Variants in NAV2 observed in about 807,000 individuals in gnomAD.
NAV2 encodes helicase, APC down-regulated 1.
In NAV2, 54 loss-of-function variants were observed where a neutral mutation model predicts 223.2. The ratio of observed to expected loss-of-function variants is 0.24; its 90% CI spans 0.19 to 0.30. NAV2 has a LOEUF of 0.30. NAV2 is among the 10% of genes least tolerant of loss of function. NAV2 has a pLI of 1.00. For synonymous variants in NAV2, 1,279 were observed against 1,239.3 expected (o/e 1.03, Z -0.67); for missense variants, 2,806 against 3,147.5 (o/e 0.89, Z 2.60).
chr11:19,371,968 AG>A (rs1482870924), intron 1 of NAV2, among the ~76,000 whole-genome samples: 2 of 151,878 alleles, frequency 1.3e-5, no homozygotes, highest in African/African-American at 4.8e-5. Context: ...TAGTAGAGAC[AG>A]GGTTTTACCA....
intron 20 of NAV2, among the ~76,000 whole-genome samples, chr11:20,063,429 G>A (rs1432600009): frequency 1.3e-5 from 2 of 152,158 alleles, no homozygotes; most frequent in African/African-American, 4.8e-5. Flanking sequence ...CTGGAGTAAA[G>A]TGGCACGACC....
chr11:19,386,408 C>A (rs185290223), intron 1 of NAV2, among the ~76,000 whole-genome samples: 1 of 152,018 alleles, frequency 6.6e-6, no homozygotes, highest in South Asian at 2.1e-4. Flanking sequence ...ATGATACTAC[C>A]CATCTCATAT....
chr11:19,374,329 TTTTTA>T (rs1198073524), intron 1 of NAV2, among the ~76,000 whole-genome samples: 144 of 147,262 alleles, frequency 9.8e-4, no homozygotes, highest in African/African-American at 2.0e-3. Flanking sequence ...TTTTTTTTTT[TTTTTA>T]AAATCAGCTA....
chr11:19,471,663 T>C (rs2041969118), intron 1 of NAV2, among the ~76,000 whole-genome samples: 1 of 152,226 alleles, frequency 6.6e-6, no homozygotes, highest in Non-Finnish European at 1.5e-5. Context: ...CTCTCAATAC[T>C]GATTACATCG....
intron 1 of NAV2, among the ~76,000 whole-genome samples, chr11:19,718,230 G>A (rs1477400997): frequency 6.6e-6 from 1 of 152,126 alleles, no homozygotes; most frequent in East Asian, 1.9e-4. Flanking sequence ...TTAAAGACAC[G>A]CTCTGTGTTT....
At chr11:19,436,074 A>G (rs1477990980) in intron 1 of NAV2, among the ~76,000 whole-genome samples, 1 of 151,948 alleles carries the variant, frequency 6.6e-6, no homozygotes, top group South Asian at 2.1e-4. Context: ...AGTGTGATGC[A>G]GTCCCATTTG....
chr11:19,829,353 T>G (rs1378355925), intron 1 of NAV2, among the ~76,000 whole-genome samples: 1 of 152,176 alleles, frequency 6.6e-6, no homozygotes, highest in African/African-American at 2.4e-5. Context: ...TGTGCCATAC[T>G]TTGTTATTCC....
intron 1 of NAV2, among the ~76,000 whole-genome samples, chr11:19,434,003 G>C (rs1851124094): frequency 6.6e-6 from 1 of 152,150 alleles, no homozygotes; most frequent in Non-Finnish European, 1.5e-5. Context: ...TATCATGCAG[G>C]AAGTGTAGGT....
At chr11:19,650,888 G>T (rs561387732) in intron 1 of NAV2, among the ~76,000 whole-genome samples, 1 of 152,108 alleles carries the variant, frequency 6.6e-6, no homozygotes, top group African/African-American at 2.4e-5. Flanking sequence ...CTTTAATGAC[G>T]GAAAACAGAA....
chr11:19,529,003 A>G (rs1187579629), intron 1 of NAV2, among the ~76,000 whole-genome samples: 1 of 152,106 alleles, frequency 6.6e-6, no homozygotes, highest in Non-Finnish European at 1.5e-5. Context: ...AAAGAAACCT[A>G]AAAAGTGAAC....
chr11:19,735,519 C>T (rs2152433338), intron 1 of NAV2, among the ~76,000 whole-genome samples: 1 of 152,324 alleles, frequency 6.6e-6, no homozygotes, highest in African/African-American at 2.4e-5. Context: ...GTGAAATCAG[C>T]ACTATTATTC....
chr11:19,426,958 C>T (rs533437749), intron 1 of NAV2, among the ~76,000 whole-genome samples: 47 of 152,292 alleles, frequency 3.1e-4, no homozygotes, highest in African/African-American at 1.1e-3. Flanking sequence ...GTCTTGGCAC[C>T]TCTCTCACTG....
chr11:19,733,730 G>C (rs938125069), intron 1 of NAV2, among the ~76,000 whole-genome samples: 1 of 152,118 alleles, frequency 6.6e-6, no homozygotes, highest in Non-Finnish European at 1.5e-5. Context: ...GGGAAGGCGG[G>C]CTGAAAATAG....
intron 1 of NAV2, among the ~76,000 whole-genome samples, chr11:19,758,926 C>T (rs542037667): frequency 1.3e-5 from 2 of 152,014 alleles, no homozygotes; most frequent in Non-Finnish European, 2.9e-5. Context: ...ATTAATTATC[C>T]CCCCTGAGGA....
intron 26 of NAV2, among the ~76,000 whole-genome samples, chr11:20,088,359 G>T (rs1263388577): frequency 6.6e-6 from 1 of 152,184 alleles, no homozygotes; most frequent in East Asian, 1.9e-4. Flanking sequence ...GCTAATTTGT[G>T]TATTTTTAGT....
intron 1 of NAV2, among the ~76,000 whole-genome samples, chr11:19,625,361 C>A (rs757943545): frequency 3.9e-5 from 6 of 152,160 alleles, no homozygotes; most frequent in Non-Finnish European, 8.8e-5. Context: ...CAGTTCCATC[C>A]ATGTTGCTAT....
chr11:19,867,353 C>A (rs1406517334), intron 3 of NAV2, among the ~76,000 whole-genome samples: 1 of 152,198 alleles, frequency 6.6e-6, no homozygotes, highest in Non-Finnish European at 1.5e-5. Context: ...CCAGCTCTGC[C>A]ATTGACATTG....
chr11:19,371,555 G>A lies in NAV2; in HGVS notation c.75+20528G>A, dbSNP rs1590068831. On this transcript the variant is annotated intron_variant, in intron 1 of 37. Coordinates refer to the NAV2 transcript ENST00000360655. ...CTGTGTGCTTTTCATTCACTTGTTT[G>A]TTACCATAATTCTAGAAGAATGTAG... Among the ~76,000 whole-genome samples, 7 of 152,266 alleles carry A rather than the reference G, an allele frequency of 4.6e-5. No individual in the cohort carries two copies. In the South Asian group the frequency reaches 1.5e-3, roughly 32 times the overall value.
At chr11:19,511,110 A>G (rs1423341209) in intron 1 of NAV2, 2 of 152,256 alleles carry the variant, frequency 1.3e-5, no homozygotes, top group Non-Finnish European at 2.9e-5. Context: ...TCACACAGCC[A>G]GAAAATAGCA....
Sources: allele counts gnomAD v4.1 joint callset (sites outside exome capture counted in the v4.1 genomes callset), GRCh38; gene constraint gnomAD v4.1.1; transcripts MANE v1.5; gene names NCBI Gene and HGNC (gene_info 2026-07-23, HGNC 2026-07-21).